The following KDM2A variants were observed in gnomAD, a reference collection of about 807,000 sequenced individuals.
The protein encoded by KDM2A is lysine demethylase 2A.
Under a neutral mutation model 137.3 loss-of-function variants are expected in KDM2A, and 3 were observed. The observed-to-expected ratio is 0.02, with a 90% CI of 0.01 to 0.06. KDM2A has a LOEUF of 0.06. Among genes scored for constraint, KDM2A ranks in the 10% least tolerant of loss-of-function variants. The probability of loss-of-function intolerance (pLI) is 1.00; values close to 1 mark genes in which losing one functional copy is unlikely to be tolerated. For synonymous variants in KDM2A, 512 were observed against 541.5 expected (o/e 0.95, Z 0.76); for missense variants, 738 against 1,510.6 (o/e 0.49, Z 8.48).
Position 67,245,802 on chromosome 11 carries a change from A to C in KDM2A, c.1834-183A>C. ...CTAGTCTCTGGTGCCCAGGTGGTTG[A>C]GTCCTCCTCTTCCCCAGTCATTTTT... On this transcript the variant is annotated intron_variant, in intron 14 of 20. Coordinates refer to ENST00000529006, the MANE Select transcript of KDM2A (RefSeq NM_012308.3). This position sits in a 1 kb window ranked among gnomAD's most constrained non-coding sequence, Gnocchi z 4.1. The C allele has an allele frequency of 1.5e-6, 1 of 683,810 alleles. No individual in the cohort carries two copies. The highest frequency in any genetic ancestry group is 2.4e-6 in the Non-Finnish European group (1 of 417,050). 42.4% of individuals were successfully genotyped at this position (683,810 alleles called of 1,614,324 possible).
chr11:67,187,321 A>C (rs1313589932), intron 5 of KDM2A, among the ~76,000 whole-genome samples: 4 of 152,174 alleles, frequency 2.6e-5, no homozygotes, highest in African/African-American at 9.6e-5. Context: ...TTTAAATATA[A>C]GTGGATTAAA....
At chr11:67,191,254 T>C (rs1319222628) in intron 5 of KDM2A, among the ~76,000 whole-genome samples, 1 of 152,100 alleles carries the variant, frequency 6.6e-6, no homozygotes, top group Admixed American at 6.6e-5. Context: ...CTCGATCTCC[T>C]GACCTCGTGA....
At chr11:67,253,830 G>A (rs962436072) in intron 19 of KDM2A, among the ~76,000 whole-genome samples, 4 of 152,196 alleles carry the variant, frequency 2.6e-5, no homozygotes, top group Non-Finnish European at 4.4e-5. Context: ...GTGAGTTGGT[G>A]GAGTTTGGGG....
At chr11:67,131,510 C>G (rs191998820) in intron 2 of KDM2A, among the ~76,000 whole-genome samples, 40 of 148,440 alleles carry the variant, frequency 2.7e-4, no homozygotes, top group Non-Finnish European at 3.7e-4. Flanking sequence ...CTCCCAGGTT[C>G]AGGCAATTCT....
At chr11:67,151,342 C>A (rs1453347347) in intron 2 of KDM2A, among the ~76,000 whole-genome samples, 1 of 151,622 alleles carries the variant, frequency 6.6e-6, no homozygotes, top group Non-Finnish European at 1.5e-5. Context: ...ATACACACCA[C>A]ATATTTTATT....
At chr11:67,157,609 G>T (rs1470340226) in intron 2 of KDM2A, among the ~76,000 whole-genome samples, 1 of 151,784 alleles carries the variant, frequency 6.6e-6, no homozygotes, top group African/African-American at 2.4e-5. Context: ...GCCAGACACA[G>T]TGGCACGCGC....
At chr11:67,196,179 A>G in intron 5 of KDM2A, 1 of 438,628 alleles carries the variant, frequency 2.3e-6, no homozygotes, top group Non-Finnish European at 4.6e-6. Flanking sequence ...CTACAGTGAA[A>G]CTTTCTTTGG....
At chr11:67,221,074 G>A (rs1565410909) in intron 10 of KDM2A, among the ~76,000 whole-genome samples, 1 of 151,812 alleles carries the variant, frequency 6.6e-6, no homozygotes, top group Non-Finnish European at 1.5e-5. Context: ...ATAAAAAGAG[G>A]CAGCAGGCCA....
intron 2 of KDM2A, among the ~76,000 whole-genome samples, chr11:67,156,283 T>G (rs1376320771): frequency 6.9e-6 from 1 of 145,200 alleles, no homozygotes; most frequent in Non-Finnish European, 1.5e-5. Context: ...GGATAATATT[T>G]TATAACATAT....
At position 67,245,643 on chromosome 11, in the gene KDM2A, G is replaced by A. The variant is rs532627164; in HGVS notation, c.1833+185G>A. The A allele has an allele frequency of 2.7e-4, 179 of 670,042 alleles. 4 individuals carry two copies. In the South Asian group the frequency reaches 3.3e-3, roughly 12 times the overall value. The allele number at this position is 670,042 out of a possible 1,614,324, so 41.5% of individuals were successfully genotyped here. On this transcript the variant is annotated intron_variant, in intron 14 of 20. Transcript: ENST00000529006. This position sits in a 1 kb window ranked among gnomAD's most constrained non-coding sequence, Gnocchi z 4.1. ...AGAAGGTATCTAGTACTAAAAATCCGATTTAATCTTTAGGCTTTACCTAAT... is the reference window on the plus strand; with the variant it reads ...AGAAGGTATCTAGTACTAAAAATCCAATTTAATCTTTAGGCTTTACCTAAT...
intron 12 of KDM2A, among the ~76,000 whole-genome samples, chr11:67,242,117 TC>T (rs1458478856): frequency 6.6e-6 from 1 of 152,102 alleles, no homozygotes; most frequent in African/African-American, 2.4e-5. Context: ...AAAATAACAG[TC>T]AACCAGTGTG....
At chr11:67,235,095 A>G (rs1858826710) in intron 12 of KDM2A, among the ~76,000 whole-genome samples, 1 of 147,500 alleles carries the variant, frequency 6.8e-6, no homozygotes, top group Non-Finnish European at 1.5e-5. Context: ...CAGTGAGCCC[A>G]GATGGCACCA....
chr11:67,189,541 T>C (rs961168014), intron 5 of KDM2A, among the ~76,000 whole-genome samples: 1 of 151,856 alleles, frequency 6.6e-6, no homozygotes, highest in Admixed American at 6.6e-5. Context: ...TTGGGCAACA[T>C]AGCAAGACCT....
At chr11:67,209,851 A>G (rs1191780878) in intron 6 of KDM2A, among the ~76,000 whole-genome samples, 1 of 152,072 alleles carries the variant, frequency 6.6e-6, no homozygotes, top group African/African-American at 2.4e-5. Flanking sequence ...CCTTGAGCCT[A>G]GGAGTTCAAG....
chr11:67,211,230 T>C (rs1299411735), intron 6 of KDM2A, among the ~76,000 whole-genome samples: 1 of 152,122 alleles, frequency 6.6e-6, no homozygotes, highest in African/African-American at 2.4e-5. Context: ...GTAAAATTGA[T>C]GTTCAGTAAA....
chr11:67,196,306 G>A (rs1255939972), intron 5 of KDM2A: 1 of 455,906 alleles, frequency 2.2e-6, no homozygotes, highest in African/African-American at 2.0e-5. Flanking sequence ...GGAGCAAGTG[G>A]GCCTATTACA....
chr11:67,199,382 A>G (rs368584015), intron 5 of KDM2A, among the ~76,000 whole-genome samples: 4 of 152,258 alleles, frequency 2.6e-5, no homozygotes, highest in African/African-American at 9.6e-5. Flanking sequence ...AAAAGCCAAG[A>G]TAGGCCTTTT....
chr11:67,231,636 G>A lies in KDM2A; in HGVS notation c.1155G>A (p.Leu385=), dbSNP rs1036520324. ...CAGTGGATCGAGAACCCCGACGCTT[G>A]AGCAGCAGGCGTTCTGTCCTCACTA... is the stretch of plus-strand genomic sequence containing the variant. ...EEAVDREPRR[L]SSRRSVLTSP... The change falls in exon 12 of 21, where the codon TTG becomes TTA. Residue 385 remains leucine (L), a synonymous_variant. Transcript: ENST00000529006. The A allele has an allele frequency of 3.1e-6, 5 of 1,613,074 alleles. No homozygotes were observed. In the Admixed American group the frequency reaches 5.0e-5, roughly 16 times the overall value.
At chr11:67,226,648 G>C (rs914672797) in intron 10 of KDM2A, among the ~76,000 whole-genome samples, 29 of 152,132 alleles carry the variant, frequency 1.9e-4, no homozygotes, top group Non-Finnish European at 3.8e-4. Context: ...TGTGAACCCG[G>C]GAGGTGGAGC....
Sources: allele counts gnomAD v4.1 joint callset (sites outside exome capture counted in the v4.1 genomes callset), GRCh38; gene constraint gnomAD v4.1.1; non-coding constraint Gnocchi (gnomAD v3.1); transcripts MANE v1.5; gene names NCBI Gene and HGNC (gene_info 2026-07-23, HGNC 2026-07-21).